Variants in WWC2 observed in about 807,000 individuals in gnomAD.
WWC2 encodes the protein WW and C2 domain containing 2, also known as protein WWC2.
Under a neutral mutation model 138.5 loss-of-function variants are expected in WWC2, and 101 were observed. The ratio of observed to expected loss-of-function variants is 0.73; its 90% CI spans 0.62 to 0.86. The LOEUF (loss-of-function observed/expected upper bound fraction) is 0.86. Ranked by LOEUF, WWC2 falls within the 40% of genes least tolerant of loss-of-function variation. WWC2 has a pLI of 0.00. For synonymous variants in WWC2, 558 were observed against 538.4 expected (o/e 1.04, Z -0.50); for missense variants, 1,420 against 1,419.4 (o/e 1.00, Z -0.01).
intron 1 of WWC2, among the ~76,000 whole-genome samples, chr4:183,174,305 A>G (rs564285010): frequency 1.3e-5 from 2 of 152,300 alleles, no homozygotes; most frequent in East Asian, 3.9e-4. Context: ...GACTTCTGGC[A>G]AGTCCTCCAT....
chr4:183,320,093 T>A lies in WWC2; in HGVS notation c.*4364T>A. 6.2e-7 allele frequency: 1 copy of A among 1,614,152 alleles called. No individual in the cohort carries two copies. Among genetic ancestry groups the A allele is most frequent in the Non-Finnish European group, 8.5e-7 (1 of 1,180,042 alleles). On this transcript the variant is annotated 3_prime_UTR_variant, in exon 23 of 23. Transcript: ENST00000403733. ...AGAGTCCCATGGTCCAGTTTTCCAT[T>A]TCATTTAAGTCCAGGTTGAGGTTCT... is the stretch of plus-strand genomic sequence containing the variant.
At chr4:183,235,008 T>C (rs1374526704) in intron 4 of WWC2, among the ~76,000 whole-genome samples, 1 of 152,188 alleles carries the variant, frequency 6.6e-6, no homozygotes. Flanking sequence ...AACTACTAAT[T>C]AACACCATAC....
At chr4:183,251,923 T>G (rs1052591004) in intron 8 of WWC2, among the ~76,000 whole-genome samples, 14 of 152,228 alleles carry the variant, frequency 9.2e-5, no homozygotes, top group African/African-American at 3.4e-4. Flanking sequence ...AATATCATGC[T>G]TATTTCGCAT....
At chr4:183,310,195 CTG>C (rs756963649) in intron 21 of WWC2, among the ~76,000 whole-genome samples, 4 of 152,150 alleles carry the variant, frequency 2.6e-5, no homozygotes, top group Non-Finnish European at 5.9e-5. Context: ...TTGATATAAA[CTG>C]TGGATTTGGG....
Position 183,320,722 on chromosome 4 carries a change from T to TA in WWC2, c.*4998dup, listed in dbSNP as rs1739619258. 5.8e-6 allele frequency: 1 copy of TA among 173,596 alleles called. No homozygotes were observed. Among genetic ancestry groups the TA allele is most frequent in the Admixed American group, 5.8e-5 (1 of 17,344 alleles). The allele number at this position is 173,596 out of a possible 1,614,324, so 10.8% of individuals were successfully genotyped here. ...TATGGTAATACTGAGTGTTATTTTT[T>TA]AAAAATAGGTTTAAGAAAAGTATTT... On this transcript the variant is annotated 3_prime_UTR_variant, in exon 23 of 23. Transcript: ENST00000403733.
chr4:183,107,579 G>A (rs895304472), intron 1 of WWC2, among the ~76,000 whole-genome samples: 4 of 152,028 alleles, frequency 2.6e-5, no homozygotes, highest in African/African-American at 9.7e-5. Flanking sequence ...CCTTATTCTA[G>A]CCTTTTATAG....
At chr4:183,174,458 C>T (rs1349891124) in intron 1 of WWC2, among the ~76,000 whole-genome samples, 1 of 152,154 alleles carries the variant, frequency 6.6e-6, no homozygotes, top group African/African-American at 2.4e-5. Flanking sequence ...TCACTTACCA[C>T]GCTGCAGTTT....
intron 21 of WWC2, among the ~76,000 whole-genome samples, chr4:183,290,044 T>C (rs1198562088): frequency 2.0e-5 from 3 of 152,304 alleles, no homozygotes; most frequent in Non-Finnish European, 2.9e-5. Context: ...TCTATAGATA[T>C]CTTTTTAAGG....
chr4:183,107,849 T>C (rs1390186072), intron 1 of WWC2, among the ~76,000 whole-genome samples: 2 of 151,918 alleles, frequency 1.3e-5, no homozygotes, highest in African/African-American at 4.8e-5. Context: ...TCAGCTTGCC[T>C]ACAATCTAGT....
At position 183,319,840 on chromosome 4, in the gene WWC2, A is replaced by G; in HGVS notation, c.*4111A>G. 1.9e-6 allele frequency: 3 copies of G among 1,613,998 alleles called. No homozygotes were observed. The highest frequency in any genetic ancestry group is 2.2e-5 in the East Asian group (1 of 44,880). On this transcript the variant is annotated 3_prime_UTR_variant, in exon 23 of 23. Coordinates refer to ENST00000403733, the MANE Select transcript of WWC2 (RefSeq NM_024949.6). The stretch of plus-strand genomic sequence containing the variant: ...ACCAGGGCTGTGACTCCCGAGGCCC[A>G]GGACAGAATTCCTCCCAGGATCAGC...
intron 22 of WWC2, among the ~76,000 whole-genome samples, 181 bp from the exon 23 acceptor site, chr4:183,315,481 AC>A (rs36092610): frequency 1.3e-5 from 2 of 151,032 alleles, no homozygotes; most frequent in Middle Eastern, 3.4e-3. Context: ...TCTCCTTGAT[AC>A]CCCCCCTTTA....
rs1739558865 is a variant in WWC2, at chr4:183,319,478, A to G, written c.*3749A>G. The G allele has an allele frequency of 8.7e-6, 12 of 1,381,928 alleles. No individual in the cohort carries two copies. The highest frequency in any genetic ancestry group is 1.2e-5 in the Non-Finnish European group (12 of 1,012,626). 85.6% of individuals were successfully genotyped at this position (1,381,928 alleles called of 1,614,324 possible). A position where few individuals can be genotyped will look rare whatever the true frequency, so the allele number is the denominator to read the frequency against. On this transcript the variant is annotated 3_prime_UTR_variant, in exon 23 of 23. Coordinates refer to ENST00000403733, the MANE Select transcript of WWC2 (RefSeq NM_024949.6). ...TTTCAAAAATCAAAAGCACAGTGAG[A>G]TGACTAGAGCGGGACATCCTACCAA...
At chr4:183,106,048 C>T (rs1454283843) in intron 1 of WWC2, among the ~76,000 whole-genome samples, 5 of 150,646 alleles carry the variant, frequency 3.3e-5, no homozygotes, top group South Asian at 2.1e-4. Context: ...GGTGTGATTT[C>T]GGCTCACTAC....
intron 1 of WWC2, among the ~76,000 whole-genome samples, chr4:183,161,620 A>ATTAAAATACCATATTTTTACATACC (rs1561442298): frequency 6.6e-6 from 1 of 152,220 alleles, no homozygotes; most frequent in Non-Finnish European, 1.5e-5. Context: ...GTCCCATAAT[A>ATTAAAATACCATATTTTTACATACC]TTAAAATACC....
At chr4:183,283,547 A>C (rs1738148038) in intron 18 of WWC2, among the ~76,000 whole-genome samples, 1 of 152,246 alleles carries the variant, frequency 6.6e-6, no homozygotes, top group African/African-American at 2.4e-5. Context: ...CCTTTCTCAA[A>C]GGAGCAAACT....
In WWC2 at chr4:183,316,567, G is replaced by C. The variant is rs2041457006; in HGVS notation, c.*838G>C. On this transcript the variant is annotated 3_prime_UTR_variant, in exon 23 of 23. Transcript: ENST00000403733. ...AAAAGTGAGTTTCTGGCTTGCACTA[G>C]TGTTTTGCCCTAAATCTAAGGATGG... 1.3e-5 allele frequency: 2 copies of C among 152,224 alleles called. No individual in the cohort carries two copies. Among genetic ancestry groups the C allele is most frequent in the South Asian group, 4.1e-4 (2 of 4,832 alleles). The allele number at this position is 152,224 out of a possible 1,614,324, so 9.4% of individuals were successfully genotyped here. A position where few individuals can be genotyped will look rare whatever the true frequency, so the allele number is the denominator to read the frequency against.
At position 183,099,628 on chromosome 4, in the gene WWC2, C is replaced by T. The variant is rs1331513075; in HGVS notation, c.131+6C>T. 5.3e-6 allele frequency: 7 copies of T among 1,331,914 alleles called. No homozygotes were observed. The highest frequency in any genetic ancestry group is 4.6e-5 in the African/African-American group (3 of 65,238). 82.5% of individuals were successfully genotyped at this position (1,331,914 alleles called of 1,614,324 possible). A position where few individuals can be genotyped will look rare whatever the true frequency, so the allele number is the denominator to read the frequency against. On this transcript the variant is annotated splice_donor_region_variant and intron_variant, in intron 1 of 22. Coordinates refer to ENST00000403733, the MANE Select transcript of WWC2 (RefSeq NM_024949.6). ...TGGATCGACCCCCGGGACAGGTGGGCGCCGGCCGCGGGGGCGCGGGCCCGT... is the reference window on the plus strand; with the variant it reads ...TGGATCGACCCCCGGGACAGGTGGGTGCCGGCCGCGGGGGCGCGGGCCCGT...
At chr4:183,118,917 C>CTT (rs1219874577) in intron 1 of WWC2, among the ~76,000 whole-genome samples, 10 of 145,866 alleles carry the variant, frequency 6.9e-5, no homozygotes, top group Non-Finnish European at 1.4e-4. Flanking sequence ...AATATCTCAA[C>CTT]TTTTTTTTTT....
rs182170077 is a variant in WWC2, at chr4:183,188,878, T to A, written c.132-4721T>A. On this transcript the variant is annotated intron_variant, in intron 1 of 22. Coordinates refer to ENST00000403733, the MANE Select transcript of WWC2 (RefSeq NM_024949.6). ...CCAGGCTGGTCTCGAACTCCTGACC[T>A]CAGGTGATCCGTCCACCTTGGCCTC... 7.3e-3 allele frequency among the ~76,000 whole-genome samples: 1,109 copies of A among 151,996 alleles called. 19 individuals are homozygous for A. The highest frequency in any genetic ancestry group is 0.025 in the African/African-American group (1,044 of 41,502).
Sources: gnomAD v4.1 joint callset for allele counts (sites outside exome capture counted in the v4.1 genomes callset) on GRCh38, gnomAD v4.1.1 for gene constraint, MANE v1.5 for transcripts, NCBI Gene and HGNC (gene_info 2026-07-23, HGNC 2026-07-21) for gene names.